BCL11A: variants seen among roughly 807,000 people sequenced by gnomAD.
The protein encoded by BCL11A is BCL11 transcription factor A, also known as B cell CLL/lymphoma 11A.
BCL11A carries 2 observed loss-of-function variants against 55.9 expected under a neutral mutation model. The observed-to-expected ratio is 0.04, with a 90% CI of 0.01 to 0.11. The LOEUF (loss-of-function observed/expected upper bound fraction) is 0.11, where lower values mean the gene tolerates loss of function less well. BCL11A is among the 10% of genes least tolerant of loss of function. BCL11A has a pLI of 1.00. For missense variants in BCL11A, 817 were observed against 1,137.1 expected, an observed-to-expected ratio of 0.72 and a Z score of 4.05; for synonymous variants, 465 against 473.4, an observed-to-expected ratio of 0.98 and a Z score of 0.23.
Position 60,460,432 on chromosome 2 carries a change from A to C in BCL11A, c.2480T>G (p.Val827Gly). The C allele has an allele frequency of 1.2e-6, 2 of 1,604,288 alleles. No individual in the cohort carries two copies. Among genetic ancestry groups the C allele is most frequent in the Non-Finnish European group, 8.5e-7 (1 of 1,172,026 alleles). Residue 827 changes from valine (V) to glycine (G), a missense_variant, in exon 4 of 4, where the codon GTG (valine) becomes GGG (glycine). By Grantham distance (109) the Val-to-Gly change is moderately radical. Coordinates refer to ENST00000642384, the MANE Select transcript of BCL11A (RefSeq NM_022893.4). ...KHMKKWHSDR[V>G]LNNDIKTE The stretch of plus-strand genomic sequence containing the variant: ...TTCAGTTTTTATATCATTATTCAAC[A>C]CTCGATCACTGTGCCATTTTTTCAT...
intron 2 of BCL11A, among the ~76,000 whole-genome samples, chr2:60,524,239 C>A (rs931700610): frequency 1.3e-5 from 2 of 152,194 alleles, no homozygotes; most frequent in African/African-American, 4.8e-5. Context: ...TACATTTGCA[C>A]AACACAATAA....
At chr2:60,474,757 T>C (rs1677425847) in intron 2 of BCL11A, among the ~76,000 whole-genome samples, 1 of 152,244 alleles carries the variant, frequency 6.6e-6, no homozygotes, top group African/African-American at 2.4e-5. Context: ...CATGCATTCA[T>C]TCAACAAATA....
rs188924437 is a variant in BCL11A, at chr2:60,459,767, T to A, written c.*637A>T. Reference sequence around the variant, plus strand: ...CAAGGCCTTTTTTCTTCCTTTCCAATTGATACATTTAACCCTTTAGAGACA... The same window carrying A: ...CAAGGCCTTTTTTCTTCCTTTCCAAATGATACATTTAACCCTTTAGAGACA... On this transcript the variant is annotated 3_prime_UTR_variant, in exon 4 of 4. Coordinates refer to ENST00000642384, the MANE Select transcript of BCL11A (RefSeq NM_022893.4). The A allele has an allele frequency of 1.2e-3, 1,295 of 1,040,908 alleles. 1 individual carries two copies. Among genetic ancestry groups the A allele is most frequent in the South Asian group, 5.1e-3 (111 of 21,786 alleles). 64.5% of individuals were successfully genotyped at this position (1,040,908 alleles called of 1,614,324 possible).
intron 2 of BCL11A, among the ~76,000 whole-genome samples, chr2:60,481,499 G>A (rs1316974472): frequency 9.9e-5 from 15 of 152,086 alleles, no homozygotes; most frequent in Admixed American, 9.2e-4. Flanking sequence ...CCCAGGGCTA[G>A]AACTTAAGCC....
At chr2:60,471,474 C>A (rs1228679680) in intron 2 of BCL11A, among the ~76,000 whole-genome samples, 1 of 152,246 alleles carries the variant, frequency 6.6e-6, no homozygotes, top group Non-Finnish European at 1.5e-5. Context: ...ACTGGAAATG[C>A]TAAATTGTTA....
chr2:60,515,526 A>C (rs1477042925), intron 2 of BCL11A, among the ~76,000 whole-genome samples: 3 of 152,228 alleles, frequency 2.0e-5, no homozygotes, highest in Non-Finnish European at 4.4e-5. Context: ...CTAATCCCAG[A>C]GTGACACCTC....
downstream of BCL11A, among the ~76,000 whole-genome samples, chr2:60,456,042 T>C (rs1675921325): frequency 6.6e-6 from 1 of 152,136 alleles, no homozygotes; most frequent in Admixed American, 6.6e-5. Flanking sequence ...CCCCACTCTC[T>C]CCTTCCCACC....
At chr2:60,480,401 A>G (rs1232794854) in intron 2 of BCL11A, among the ~76,000 whole-genome samples, 1 of 152,176 alleles carries the variant, frequency 6.6e-6, no homozygotes, top group Non-Finnish European at 1.5e-5. Flanking sequence ...GAGCCCCTCA[A>G]TAAATAATTA....
chr2:60,545,163 G>A (rs889316558), intron 2 of BCL11A: 1 of 152,272 alleles, frequency 6.6e-6, no homozygotes, highest in Non-Finnish European at 1.5e-5. Flanking sequence ...CCACATCAGA[G>A]ACAAGAGAGA....
At chr2:60,529,328 G>A (rs1669344779) in intron 2 of BCL11A, among the ~76,000 whole-genome samples, 2 of 152,206 alleles carry the variant, frequency 1.3e-5, no homozygotes, top group Admixed American at 6.5e-5. Context: ...GGCCCTATGA[G>A]GCAAGCCCCG....
At chr2:60,492,523 C>T (rs1678695280) in intron 2 of BCL11A, among the ~76,000 whole-genome samples, 2 of 152,118 alleles carry the variant, frequency 1.3e-5, no homozygotes, top group African/African-American at 4.8e-5. Flanking sequence ...CCTCCCCTTG[C>T]TCTCTCCTTC....
At position 60,457,694 on chromosome 2, in the gene BCL11A, T is replaced by A; in HGVS notation, c.*2710A>T. On this transcript the variant is annotated 3_prime_UTR_variant, in exon 4 of 4. Coordinates refer to ENST00000642384, the MANE Select transcript of BCL11A (RefSeq NM_022893.4). Reference sequence around the variant, plus strand: ...GGTTTTTTTTTTTTTTTCCTTTTTTTTTCTTTCTTTCTTTTACTGCATATG... The same window carrying A: ...GGTTTTTTTTTTTTTTTCCTTTTTTATTCTTTCTTTCTTTTACTGCATATG... The A allele has an allele frequency of 1.9e-6, 2 of 1,031,510 alleles. No individual in the cohort carries two copies. The highest frequency in any genetic ancestry group is 2.3e-6 in the Non-Finnish European group (2 of 857,130). The allele number at this position is 1,031,510 out of a possible 1,614,324, so 63.9% of individuals were successfully genotyped here.
In BCL11A at chr2:60,488,918, C is replaced by A. The variant is rs111713027; in HGVS notation, c.386-20085G>T. ...GGGATTATAGGCATGCGCCACCACA[C>A]GCGGCTAATTTCTGTATTTTTGGTA... On this transcript the variant is annotated intron_variant, in intron 2 of 3. Transcript: ENST00000642384. Among the ~76,000 whole-genome samples, 1,091 of 152,292 alleles carry A rather than the reference C, an allele frequency of 7.2e-3. 9 individuals carry two copies. Among genetic ancestry groups the A allele is most frequent in the African/African-American group, 0.024 (996 of 41,556 alleles).
At chr2:60,548,630 C>T (rs1171491324) in intron 1 of BCL11A, among the ~76,000 whole-genome samples, 1 of 152,162 alleles carries the variant, frequency 6.6e-6, no homozygotes, top group Non-Finnish European at 1.5e-5. Context: ...AACCTGTAAC[C>T]TCAACATTTT....
chr2:60,543,211 T>C (rs898808760), intron 2 of BCL11A: 1 of 152,184 alleles, frequency 6.6e-6, no homozygotes. Context: ...TTCCTGCCTA[T>C]AAAATAGTAC....
chr2:60,497,615 C>T (rs1167674530), intron 2 of BCL11A, among the ~76,000 whole-genome samples: 1 of 35,724 alleles, frequency 2.8e-5, no homozygotes. Flanking sequence ...ATGATAATGA[C>T]CATTATGATG....
intron 2 of BCL11A, among the ~76,000 whole-genome samples, chr2:60,519,250 C>T (rs1208891401): frequency 6.6e-6 from 1 of 152,164 alleles, no homozygotes; most frequent in Non-Finnish European, 1.5e-5. Flanking sequence ...GGTATCAACA[C>T]CTTTAAGGCA....
At chr2:60,521,229 G>A (rs1401497937) in intron 2 of BCL11A, among the ~76,000 whole-genome samples, 1 of 152,212 alleles carries the variant, frequency 6.6e-6, no homozygotes, top group Non-Finnish European at 1.5e-5. Context: ...TTAATCTGCT[G>A]TAAACCCAAG....
At chr2:60,465,797 T>A (rs1676569040) in intron 3 of BCL11A, among the ~76,000 whole-genome samples, 1 of 152,200 alleles carries the variant, frequency 6.6e-6, no homozygotes. Context: ...AATGTGAATG[T>A]GAGTTTTCAT....
Sources: gnomAD v4.1 joint callset for allele counts (sites outside exome capture counted in the v4.1 genomes callset) on GRCh38, gnomAD v4.1.1 for gene constraint, MANE v1.5 for transcripts, NCBI Gene and HGNC (gene_info 2026-07-23, HGNC 2026-07-21) for gene names.